Variants in OTUD7A observed in about 807,000 individuals in gnomAD.
The protein encoded by OTUD7A is OTU deubiquitinase 7A.
In OTUD7A, 12 loss-of-function variants were observed where a neutral mutation model predicts 65.7. The ratio of observed to expected loss-of-function variants is 0.18; its 90% CI spans 0.12 to 0.30. OTUD7A has a LOEUF of 0.30. Among genes scored for constraint, OTUD7A ranks in the 10% least tolerant of loss-of-function variants. OTUD7A has a pLI of 1.00. For missense variants in OTUD7A, 1,148 were observed against 1,304.8 expected (o/e 0.88, Z 1.85); for synonymous variants, 641 against 586.3 (o/e 1.09, Z -1.35).
chr15:31,627,777 G>A (rs1193149495), intron 3 of OTUD7A, among the ~76,000 whole-genome samples: 1 of 152,084 alleles, frequency 6.6e-6, no homozygotes, highest in Non-Finnish European at 1.5e-5. Context: ...TTTAATGATC[G>A]CCATTCTAAG....
intron 3 of OTUD7A, among the ~76,000 whole-genome samples, chr15:31,595,769 C>T (rs1566936172): frequency 6.6e-6 from 1 of 152,204 alleles, no homozygotes; most frequent in Non-Finnish European, 1.5e-5. Flanking sequence ...TGGCTTCCAG[C>T]CTCCTTCAGG....
chr15:31,539,062 C>T (rs1472679919), intron 5 of OTUD7A, among the ~76,000 whole-genome samples: 1 of 152,186 alleles, frequency 6.6e-6, no homozygotes, highest in Non-Finnish European at 1.5e-5. Flanking sequence ...TGGCCTCTCC[C>T]CTGCAGTAGA....
At chr15:31,519,774 T>C (rs558579735) in intron 8 of OTUD7A, among the ~76,000 whole-genome samples, 305 of 152,344 alleles carry the variant, frequency 2.0e-3, no homozygotes, top group African/African-American at 6.9e-3. Context: ...CAAAAACCTG[T>C]TATATTTGAT....
intron 1 of OTUD7A, among the ~76,000 whole-genome samples, chr15:31,724,516 C>T (rs1893830507): frequency 6.6e-6 from 1 of 152,194 alleles, no homozygotes; most frequent in Non-Finnish European, 1.5e-5. Context: ...CCACATTTAT[C>T]ATACACAATA....
chr15:31,580,025 G>A (rs987771227), intron 3 of OTUD7A, among the ~76,000 whole-genome samples: 11 of 152,196 alleles, frequency 7.2e-5, no homozygotes, highest in African/African-American at 2.2e-4. Flanking sequence ...TATAATTTGG[G>A]ATCCAAGGGG....
intron 1 of OTUD7A, among the ~76,000 whole-genome samples, chr15:31,787,319 G>T (rs983583463): frequency 2.0e-5 from 3 of 152,180 alleles, no homozygotes; most frequent in Non-Finnish European, 4.4e-5. Flanking sequence ...GAAACAGCAA[G>T]AAAGCATTTG....
intron 3 of OTUD7A, among the ~76,000 whole-genome samples, chr15:31,628,811 C>A (rs1891047759): frequency 6.6e-6 from 1 of 152,172 alleles, no homozygotes; most frequent in Non-Finnish European, 1.5e-5. Context: ...TCCTTCACAT[C>A]CCTTGTAAGT....
intron 1 of OTUD7A, among the ~76,000 whole-genome samples, chr15:31,795,618 G>T (rs1403481924): frequency 2.0e-5 from 3 of 152,170 alleles, no homozygotes; most frequent in African/African-American, 7.2e-5. Context: ...CATGGAGAGT[G>T]GGGCATGGGA....
chr15:31,576,380 A>C (rs1201658531), intron 3 of OTUD7A, among the ~76,000 whole-genome samples: 1 of 152,186 alleles, frequency 6.6e-6, no homozygotes, highest in Non-Finnish European at 1.5e-5. Context: ...ACTGAGTCAG[A>C]CTAAGGCATA....
At position 31,811,792 on chromosome 15, in the gene OTUD7A, G is replaced by C. The variant is rs576976090; in HGVS notation, c.-100+58715C>G. Among the ~76,000 whole-genome samples the C allele has an allele frequency of 1.3e-5, 2 of 152,174 alleles. 1 individual carries two copies. The highest frequency in any genetic ancestry group is 3.9e-4 in the East Asian group (2 of 5,188). On this transcript the variant is annotated intron_variant, in intron 1 of 12. Transcript: ENST00000307050. ...CCGCCAGCTGGCTAGGCCCTGCTGC[G>C]GGCAGTCCGCCTGGCCAGAACACCA...
intron 1 of OTUD7A, among the ~76,000 whole-genome samples, chr15:31,778,943 C>T (rs1161031447): frequency 1.3e-5 from 2 of 152,160 alleles, no homozygotes; most frequent in Non-Finnish European, 2.9e-5. Flanking sequence ...AGTATTTCAG[C>T]ACTGTGGAAG....
chr15:31,628,559 T>C (rs1595668706), intron 3 of OTUD7A, among the ~76,000 whole-genome samples: 1 of 152,076 alleles, frequency 6.6e-6, no homozygotes, highest in Admixed American at 6.5e-5. Flanking sequence ...TGGCTTAGGA[T>C]TGACTTGGCA....
chr15:31,729,453 T>A (rs959905233), intron 1 of OTUD7A, among the ~76,000 whole-genome samples: 1 of 152,172 alleles, frequency 6.6e-6, no homozygotes, highest in African/African-American at 2.4e-5. Context: ...ATGGCCACAG[T>A]CACATTAATA....
chr15:31,725,996 T>C (rs1235090902), intron 1 of OTUD7A, among the ~76,000 whole-genome samples: 2 of 152,136 alleles, frequency 1.3e-5, no homozygotes, highest in Non-Finnish European at 2.9e-5. Context: ...AATATCTCTA[T>C]ATTGATGACT....
intron 3 of OTUD7A, among the ~76,000 whole-genome samples, chr15:31,613,941 A>G (rs1271554445): frequency 6.6e-6 from 1 of 152,302 alleles, no homozygotes; most frequent in African/African-American, 2.4e-5. Context: ...GTATATATAT[A>G]TGTATACACA....
rs879561188 is a variant in OTUD7A, at chr15:31,753,721, T to TATATATATATTA, written c.-99-96645_-99-96644insTAATATATATAT. Among the ~76,000 whole-genome samples the TATATATATATTA allele has an allele frequency of 4.2e-4, 45 of 106,740 alleles. 1 individual carries two copies. The highest frequency in any genetic ancestry group is 4.0e-3 in the Middle Eastern group (1 of 252). 70.0% of individuals were successfully genotyped at this position (106,740 alleles called of 152,430 possible). A position where few individuals can be genotyped will look rare whatever the true frequency, so the allele number is the denominator to read the frequency against. On this transcript the variant is annotated intron_variant, in intron 1 of 12. Transcript: ENST00000307050. ...TATATATTATATATATATATATATATTATATATATATATATATATCTCACA... is the reference window on the plus strand; with the variant it reads ...TATATATTATATATATATATATATATATATATATATTATATATATATATATATATATCTCACA...
intron 4 of OTUD7A, among the ~76,000 whole-genome samples, chr15:31,565,681 A>AG (rs1367259446): frequency 1.3e-5 from 2 of 152,160 alleles, no homozygotes; most frequent in African/African-American, 2.4e-5. Context: ...CAAGTGTAAC[A>AG]GGGGGGCAGC....
chr15:31,494,352 G>C (rs572002007), intron 10 of OTUD7A, among the ~76,000 whole-genome samples: 1 of 152,306 alleles, frequency 6.6e-6, no homozygotes, highest in African/African-American at 2.4e-5. Flanking sequence ...ACAGTAAAAA[G>C]TGGCTGTGTG....
chr15:31,644,716 C>T (rs1328858729), intron 3 of OTUD7A, among the ~76,000 whole-genome samples: 2 of 152,112 alleles, frequency 1.3e-5, no homozygotes, highest in Non-Finnish European at 2.9e-5. Flanking sequence ...TGTCCTCAAG[C>T]GATCCTCCTG....
Sources: allele counts gnomAD v4.1 joint callset (sites outside exome capture counted in the v4.1 genomes callset), GRCh38; gene constraint gnomAD v4.1.1; transcripts MANE v1.5; gene names NCBI Gene and HGNC (gene_info 2026-07-23, HGNC 2026-07-21).